The following MYEF2 variants were observed in gnomAD, a reference collection of about 807,000 sequenced individuals.
The protein encoded by MYEF2 is myelin gene expression factor 2.
MYEF2 carries 37 observed loss-of-function variants against 75.2 expected under a neutral mutation model. The ratio of observed to expected loss-of-function variants is 0.49; its 90% CI spans 0.38 to 0.65. The LOEUF (loss-of-function observed/expected upper bound fraction) is 0.65, where lower values mean the gene tolerates loss of function less well. Ranked by LOEUF, MYEF2 falls within the 30% of genes least tolerant of loss-of-function variation. The pLI is 0.00. For synonymous variants in MYEF2, 195 were observed against 241.6 expected, an observed-to-expected ratio of 0.81 and a Z score of 1.79; for missense variants, 634 against 771.4, an observed-to-expected ratio of 0.82 and a Z score of 2.11.
chr15:48,140,577 GGTTTT>G lies in MYEF2; in HGVS notation c.*2326_*2330del. The G allele has an allele frequency of 6.6e-6, 1 of 152,294 alleles. No individual in the cohort carries two copies. Among genetic ancestry groups the G allele is most frequent in the Non-Finnish European group, 1.5e-5 (1 of 68,074 alleles). 9.4% of individuals were successfully genotyped at this position (152,294 alleles called of 1,614,324 possible). A position where few individuals can be genotyped will look rare whatever the true frequency, so the allele number is the denominator to read the frequency against. On this transcript the variant is annotated 3_prime_UTR_variant, in exon 17 of 17. Transcript: ENST00000324324. Reference sequence around the variant, plus strand: ...ATATGTTAGACTCAAGTAGAAAACAGGTTTTGTTTTCCTCAGAGATTAATGAACGT... The same window carrying G: ...ATATGTTAGACTCAAGTAGAAAACAGGTTTTCCTCAGAGATTAATGAACGT...
rs753900532 is a variant in MYEF2, at chr15:48,158,064, C to T, written c.922-8G>A. 6.2e-7 allele frequency: 1 copy of T among 1,612,868 alleles called. No individual in the cohort carries two copies. Among genetic ancestry groups the T allele is most frequent in the Non-Finnish European group, 8.5e-7 (1 of 1,179,282 alleles). On this transcript the variant is annotated splice_polypyrimidine_tract_variant and splice_region_variant and intron_variant, in intron 8 of 16. Coordinates refer to ENST00000324324, the MANE Select transcript of MYEF2 (RefSeq NM_016132.5). ...AGGAACAGACTTGTCATCCTAATTG[C>T]AAGAAAGTTTATAATATGGTTAACA...
At chr15:48,160,846 C>T (rs2039913652) in intron 5 of MYEF2, among the ~76,000 whole-genome samples, 3 of 147,490 alleles carry the variant, frequency 2.0e-5, no homozygotes, top group African/African-American at 7.5e-5. Flanking sequence ...CAACATATTT[C>T]TTCACTATGA....
chr15:48,166,239 G>T, intron 3 of MYEF2, 111 bp from the exon 4 acceptor site: 1 of 832,808 alleles, frequency 1.2e-6, no homozygotes, highest in South Asian at 2.3e-5. Flanking sequence ...TTAATAATAT[G>T]GTAGAATCAC....
chr15:48,168,915 T>C, intron 1 of MYEF2, 76 bp from the exon 2 acceptor site: 1 of 1,132,168 alleles, frequency 8.8e-7, no homozygotes, highest in Non-Finnish European at 1.2e-6. Flanking sequence ...ATTAAATAAG[T>C]ATTCCATATT....
intron 5 of MYEF2, chr15:48,162,582 T>G (rs187524547): frequency 6.6e-6 from 1 of 152,366 alleles, no homozygotes; most frequent in East Asian, 1.9e-4. Flanking sequence ...CACTTTACTG[T>G]GCTTTGCAGA....
rs1679932365 is a variant in MYEF2, at chr15:48,141,725, T to G, written c.*1183A>C. 1.0e-5 allele frequency: 2 copies of G among 198,166 alleles called. No homozygotes were observed. The highest frequency in any genetic ancestry group is 2.0e-5 in the Non-Finnish European group (2 of 98,054). 12.3% of individuals were successfully genotyped at this position (198,166 alleles called of 1,614,324 possible). A position where few individuals can be genotyped will look rare whatever the true frequency, so the allele number is the denominator to read the frequency against. ...TCTAATCCCCCAAATAATATTCATT[T>G]GAAATGTGTGTTAAATAGTAATTAA... On this transcript the variant is annotated 3_prime_UTR_variant, in exon 17 of 17. Coordinates refer to ENST00000324324, the MANE Select transcript of MYEF2 (RefSeq NM_016132.5).
chr15:48,166,662 T>G (rs186504450), intron 3 of MYEF2, among the ~76,000 whole-genome samples: 1 of 152,106 alleles, frequency 6.6e-6, no homozygotes, highest in East Asian at 1.9e-4. Flanking sequence ...ATAAATTAAT[T>G]TGGAGAGTTA....
chr15:48,136,507 C>A lies in MYEF2; in HGVS notation c.*6401G>T. The A allele has an allele frequency of 2.1e-6, 1 of 481,804 alleles. No homozygotes were observed. Among genetic ancestry groups the A allele is most frequent in the Non-Finnish European group, 3.5e-6 (1 of 289,250 alleles). 29.8% of individuals were successfully genotyped at this position (481,804 alleles called of 1,614,324 possible). ...GAAGTGTCCAGCTTTTATCAATAAA[C>A]ATAATAATGCTGTAATCAAGTCTGG... On this transcript the variant is annotated 3_prime_UTR_variant, in exon 17 of 17. Transcript: ENST00000324324.
chr15:48,147,609 A>C (rs1295635118), intron 16 of MYEF2, among the ~76,000 whole-genome samples: 1 of 152,032 alleles, frequency 6.6e-6, no homozygotes, highest in South Asian at 2.1e-4. Context: ...CCTGCAAAGA[A>C]GACCAATACC....
chr15:48,149,154 T>A lies in MYEF2; in HGVS notation c.1587+9A>T, dbSNP rs765881760. 23 of 1,613,214 alleles carry A rather than the reference T, an allele frequency of 1.4e-5. No homozygotes were observed. The Admixed American group carries it at 3.7e-4, about 26-fold the overall frequency. Reference sequence around the variant, plus strand: ...GAATTTGAATTATCCTTAATATTTATTTGCTTACATTTCTGACAAATATCT... The same window carrying A: ...GAATTTGAATTATCCTTAATATTTAATTGCTTACATTTCTGACAAATATCT... On this transcript the variant is annotated intron_variant, in intron 15 of 16. Coordinates refer to ENST00000324324, the MANE Select transcript of MYEF2 (RefSeq NM_016132.5). This position sits in a 1 kb window ranked among gnomAD's most constrained non-coding sequence, Gnocchi z 4.0.
At chr15:48,152,124 C>T in intron 11 of MYEF2, 110 bp downstream of exon 11, 4 of 1,237,446 alleles carry the variant, frequency 3.2e-6, no homozygotes, top group South Asian at 1.2e-5. Context: ...GCCTTTAGAA[C>T]ATGAGCCAAC....
At chr15:48,167,434 A>G (rs2040172682) in intron 2 of MYEF2, 33 bp from the exon 3 acceptor site, 4 of 1,601,284 alleles carry the variant, frequency 2.5e-6, no homozygotes, top group Non-Finnish European at 3.4e-6. Context: ...AGATACCAAG[A>G]AACAATACAT....
chr15:48,150,640 TACCTCTTTCA>T (rs1238131346), intron 14 of MYEF2, among the ~76,000 whole-genome samples: 1 of 152,062 alleles, frequency 6.6e-6, no homozygotes, highest in Non-Finnish European at 1.5e-5. Flanking sequence ...AAGAATTAAG[TACCTCTTTCA>T]ACCTTAGCCT....
In MYEF2 at chr15:48,134,865, A is replaced by G; in HGVS notation, c.*8043T>C. On this transcript the variant is annotated 3_prime_UTR_variant, in exon 17 of 17. Transcript: ENST00000324324. ...AAGAAGTTACAATGTAATGGAAATAATAACTTACCATATTACAGGTCTCAA... is the reference window on the plus strand; with the variant it reads ...AAGAAGTTACAATGTAATGGAAATAGTAACTTACCATATTACAGGTCTCAA... The G allele has an allele frequency of 6.4e-7, 1 of 1,551,074 alleles. No homozygotes were observed. Among genetic ancestry groups the G allele is most frequent in the Non-Finnish European group, 8.8e-7 (1 of 1,130,418 alleles).
intron 9 of MYEF2, chr15:48,157,036 A>AT (rs1209940150): frequency 6.6e-6 from 1 of 152,134 alleles, no homozygotes; most frequent in Non-Finnish European, 1.5e-5. Context: ...CAAATATGGC[A>AT]TATGATAACT....
At chr15:48,152,523 A>C in intron 10 of MYEF2, 1 of 427,188 alleles carries the variant, frequency 2.3e-6, no homozygotes, top group Non-Finnish European at 4.1e-6. Context: ...CACTAGTAAC[A>C]CCCACAACAT....
chr15:48,147,513 C>A (rs1379866942), intron 16 of MYEF2, among the ~76,000 whole-genome samples: 1 of 151,762 alleles, frequency 6.6e-6, no homozygotes, highest in Non-Finnish European at 1.5e-5. Flanking sequence ...ATGTATTTCA[C>A]TAAGACCCTA....
intron 9 of MYEF2, 159 bp from the exon 10 acceptor site, chr15:48,154,052 C>T: frequency 1.8e-6 from 1 of 552,300 alleles, no homozygotes; most frequent in Non-Finnish European, 3.2e-6. Context: ...TAGAAAGTAG[C>T]ACACTGAAGC....
chr15:48,159,904 C>G, intron 5 of MYEF2, 100 bp from the exon 6 acceptor site: 1 of 1,227,176 alleles, frequency 8.1e-7, no homozygotes, highest in Non-Finnish European at 1.1e-6. Context: ...CTGTCTGGCT[C>G]AAATTATTGA....
Sources: gnomAD v4.1 joint callset for allele counts (sites outside exome capture counted in the v4.1 genomes callset) on GRCh38, gnomAD v4.1.1 for gene constraint, Gnocchi (gnomAD v3.1) non-coding constraint, MANE v1.5 for transcripts, NCBI Gene and HGNC (gene_info 2026-07-23, HGNC 2026-07-21) for gene names.